Variants in RXRA observed in about 807,000 individuals in gnomAD.
RXRA encodes the protein retinoid X receptor alpha, also known as retinoic acid receptor RXR-alpha.
A neutral mutation model predicts 44.5 loss-of-function variants in RXRA; 5 were observed. The ratio of observed to expected loss-of-function variants is 0.11; its 90% CI spans 0.06 to 0.24. The LOEUF (loss-of-function observed/expected upper bound fraction) is 0.24, where lower values mean the gene tolerates loss of function less well. Ranked by LOEUF, RXRA falls within the 10% of genes least tolerant of loss-of-function variation. The pLI is 1.00. For missense variants in RXRA, 412 were observed against 646.5 expected (o/e 0.64, Z 3.93); for synonymous variants, 291 against 271.4 (o/e 1.07, Z -0.71).
At chr9:134,422,272 C>G (rs963346973) in intron 6 of RXRA, 2 of 1,289,234 alleles carry the variant, frequency 1.6e-6, no homozygotes, top group African/African-American at 3.0e-5. Context: ...GCTCCCCGCT[C>G]CCAGGACACA....
chr9:134,338,985 C>T (rs1248447385), intron 1 of RXRA, among the ~76,000 whole-genome samples: 1 of 152,272 alleles, frequency 6.6e-6, no homozygotes, highest in East Asian at 1.9e-4. Context: ...TGCTGTCTGC[C>T]TCCTGCTGTG....
At chr9:134,362,402 ACT>A (rs1830363086) in intron 1 of RXRA, among the ~76,000 whole-genome samples, 1 of 152,022 alleles carries the variant, frequency 6.6e-6, no homozygotes, top group African/African-American at 2.4e-5. Context: ...CCCTGCAGAC[ACT>A]CTGCAGCCCG....
chr9:134,380,338 C>T (rs867599636), intron 1 of RXRA, among the ~76,000 whole-genome samples: 109 of 152,170 alleles, frequency 7.2e-4, no homozygotes, highest in African/African-American at 2.4e-3. Flanking sequence ...GGGTCCTGCC[C>T]GGGTTCTCCT....
At chr9:134,389,813 C>T (rs1170715489) in intron 1 of RXRA, among the ~76,000 whole-genome samples, 1 of 152,174 alleles carries the variant, frequency 6.6e-6, no homozygotes, top group Non-Finnish European at 1.5e-5. Context: ...TCCATCCCTC[C>T]CCTTCCTTCC....
chr9:134,385,109 C>T (rs922481207), intron 1 of RXRA, among the ~76,000 whole-genome samples: 8 of 152,228 alleles, frequency 5.3e-5, no homozygotes, highest in African/African-American at 1.9e-4. Flanking sequence ...GCCATGGCTT[C>T]TGCAGCCTGG....
intron 4 of RXRA, among the ~76,000 whole-genome samples, chr9:134,414,707 T>C (rs919421358): frequency 6.6e-6 from 1 of 152,234 alleles, no homozygotes; most frequent in Non-Finnish European, 1.5e-5. Flanking sequence ...GTCTTGGCAC[T>C]GAGACTTTAG....
chr9:134,422,418 C>G (rs202012497), intron 6 of RXRA: 33 of 1,274,220 alleles, frequency 2.6e-5, no homozygotes, highest in Non-Finnish European at 3.1e-5. Flanking sequence ...ACATTCCACT[C>G]TCCCTGGACG....
At position 134,436,617 on chromosome 9, in the gene RXRA, C is replaced by G; in HGVS notation, c.*3C>G. On this transcript the variant is annotated 3_prime_UTR_variant, in exon 10 of 10. Coordinates refer to ENST00000481739, the MANE Select transcript of RXRA (RefSeq NM_002957.6). ...AGGCGCCGCACCAAATGACTTAGGC[C>G]TGCGGGCCCATCCTTTGTGCCCACC... is the stretch of plus-strand genomic sequence containing the variant. 1 of 1,613,850 alleles carries G rather than the reference C, an allele frequency of 6.2e-7. No homozygotes were observed. The highest frequency in any genetic ancestry group is 8.5e-7 in the Non-Finnish European group (1 of 1,179,988).
chr9:134,417,103 T>G lies in RXRA; in HGVS notation c.611-55T>G, dbSNP rs1588299488. 6.4e-7 allele frequency: 1 copy of G among 1,557,246 alleles called. No individual in the cohort carries two copies. The highest frequency in any genetic ancestry group is 1.2e-5 in the South Asian group (1 of 86,218). On this transcript the variant is annotated intron_variant, in intron 4 of 9. Transcript: ENST00000481739. The surrounding 1 kb of genome is among the most constrained non-coding windows in gnomAD (Gnocchi z 6.1). ...ACCACCCGGCCAGGACAGCCTTCCC[T>G]GGGAGCCACTGGCCGGGCTGAGCGT...
intron 1 of RXRA, among the ~76,000 whole-genome samples, chr9:134,396,312 A>G (rs149853996): frequency 6.6e-6 from 1 of 151,600 alleles, no homozygotes; most frequent in Non-Finnish European, 1.5e-5. Flanking sequence ...TTCCTCCTAC[A>G]CTAACCACCT....
At chr9:134,422,848 G>T in intron 6 of RXRA, 1 of 985,474 alleles carries the variant, frequency 1.0e-6, no homozygotes, top group Non-Finnish European at 1.2e-6. Context: ...CTCTGGAGAG[G>T]GAGGCTGGCT....
chr9:134,390,163 G>T (rs1830779004), intron 1 of RXRA, among the ~76,000 whole-genome samples: 1 of 152,190 alleles, frequency 6.6e-6, no homozygotes, highest in Non-Finnish European at 1.5e-5. Flanking sequence ...CCTTGGTGCA[G>T]GGTGGAGTCC....
rs1385244118 is a variant in RXRA at position 134,379,999 on chromosome 9, A to G, written c.29-21633A>G. ...TCGGGGCTGTCGGAGCTTCAGGATT[A>G]GGGACTGAAGCCCAGCAGGGGCTCC... On this transcript the variant is annotated intron_variant, in intron 1 of 9. Transcript: ENST00000481739. 5 of 985,200 alleles carry G rather than the reference A, an allele frequency of 5.1e-6. No homozygotes were observed. In the African/African-American group the frequency reaches 8.7e-5, roughly 17 times the overall value. 61.0% of individuals were successfully genotyped at this position (985,200 alleles called of 1,614,324 possible). A position where few individuals can be genotyped will look rare whatever the true frequency, so the allele number is the denominator to read the frequency against.
intron 1 of RXRA, 46 bp downstream of exon 1, chr9:134,326,705 G>A (rs1444760286): frequency 1.7e-5 from 10 of 580,928 alleles, no homozygotes; most frequent in Non-Finnish European, 1.7e-5. Context: ...GGGGCCGGGG[G>A]CCGGCGGGCG....
intron 4 of RXRA, among the ~76,000 whole-genome samples, chr9:134,411,211 C>T (rs1299899828): frequency 6.6e-6 from 1 of 152,208 alleles, no homozygotes; most frequent in Non-Finnish European, 1.5e-5. Flanking sequence ...TTCCTAAGGC[C>T]CTGCAGCCCA....
At chr9:134,394,182 A>G (rs1358653081) in intron 1 of RXRA, among the ~76,000 whole-genome samples, 4 of 136 alleles carry the variant, frequency 0.029, 2 homozygotes, top group Non-Finnish European at 0.069. Flanking sequence ...GGTGGTGATG[A>G]TGACTGATGA....
chr9:134,431,894 C>T lies in RXRA; in HGVS notation c.1044-11C>T. 2 of 1,609,166 alleles carry T rather than the reference C, an allele frequency of 1.2e-6. No homozygotes were observed. The highest frequency in any genetic ancestry group is 1.7e-6 in the Non-Finnish European group (2 of 1,176,020). ...TAACTGGGATGGGGTGTCTGCCCTC[C>T]TCCTCTGCAGGGTGCTGACGGAGCT... On this transcript the variant is annotated splice_polypyrimidine_tract_variant and intron_variant, in intron 7 of 9. Coordinates refer to ENST00000481739, the MANE Select transcript of RXRA (RefSeq NM_002957.6).
At chr9:134,422,689 C>T (rs1310973953) in intron 6 of RXRA, 25 of 985,222 alleles carry the variant, frequency 2.5e-5, no homozygotes, top group South Asian at 4.7e-5. Context: ...GACACTCCCC[C>T]GTCCTGGGAC....
In RXRA at chr9:134,417,307, A is replaced by G. The variant is rs367753138; in HGVS notation, c.760A>G (p.Met254Val). 3 of 1,613,568 alleles carry G rather than the reference A, an allele frequency of 1.9e-6. No individual in the cohort carries two copies. In the African/African-American group the frequency reaches 4.0e-5, roughly 22 times the overall value. ...GACCGAGACCTACGTGGAGGCAAACATGGGGCTGAACCCCAGCTCGGTGAG... is the reference window on the plus strand; with the variant it reads ...GACCGAGACCTACGTGGAGGCAAACGTGGGGCTGAACCCCAGCTCGGTGAG... ...PKTETYVEAN[M>V]GLNPSSPNDP... The change falls in exon 5 of 10, where the codon ATG becomes GTG. Residue 254 changes from methionine to valine, a missense_variant. Around this residue, in one of 4 missense-constraint regions of RXRA, gnomAD observed 67 missense variants for 78.7 expected, o/e 0.85. Coordinates refer to ENST00000481739, the MANE Select transcript of RXRA (RefSeq NM_002957.6). The surrounding 1 kb of genome is among the most constrained non-coding windows in gnomAD (Gnocchi z 6.1).
Sources: allele counts gnomAD v4.1 joint callset (sites outside exome capture counted in the v4.1 genomes callset), GRCh38; gene constraint gnomAD v4.1.1; regional missense constraint gnomAD v4.1.1; non-coding constraint Gnocchi (gnomAD v3.1); transcripts MANE v1.5; gene names NCBI Gene and HGNC (gene_info 2026-07-23, HGNC 2026-07-21).